Variants in YAP1 observed in about 807,000 individuals in gnomAD.
YAP1 encodes the protein transcriptional coactivator YAP1.
In YAP1, 5 loss-of-function variants were observed where a neutral mutation model predicts 56.9. That is an observed-to-expected ratio of 0.09 (90% CI 0.05 to 0.18). YAP1 has a LOEUF of 0.18. Among genes scored for constraint, YAP1 ranks in the 10% least tolerant of loss-of-function variants. The probability of loss-of-function intolerance (pLI) is 1.00; values close to 1 mark genes in which losing one functional copy is unlikely to be tolerated. For synonymous variants in YAP1, 265 were observed against 248.1 expected (o/e 1.07, Z -0.64); for missense variants, 539 against 651.8 (o/e 0.83, Z 1.88).
intron 7 of YAP1, 50 bp from the exon 8 acceptor site, chr11:102,227,419 T>A: frequency 1.5e-6 from 2 of 1,324,100 alleles, no homozygotes; most frequent in Non-Finnish European, 2.2e-6. Flanking sequence ...TTACCTTGAA[T>A]TGATTTTTAA....
At chr11:102,155,414 G>T (rs182138025) in intron 2 of YAP1, among the ~76,000 whole-genome samples, 68 of 152,246 alleles carry the variant, frequency 4.5e-4, no homozygotes, top group African/African-American at 1.6e-3. Flanking sequence ...CCCTCCCCAA[G>T]TTATTTTGCT....
At chr11:102,217,960 C>T (rs987329900) in intron 6 of YAP1, among the ~76,000 whole-genome samples, 57 of 152,142 alleles carry the variant, frequency 3.7e-4, no homozygotes, top group African/African-American at 1.4e-3. Context: ...CTCACCCTCC[C>T]AAAGTGCTGG....
chr11:102,112,698 A>G, intron 1 of YAP1: 3 of 985,344 alleles, frequency 3.0e-6, no homozygotes, highest in Non-Finnish European at 3.6e-6. Context: ...AGGAGGAAAG[A>G]AGGAAAAACA....
At chr11:102,123,499 A>G (rs947424242) in intron 2 of YAP1, among the ~76,000 whole-genome samples, 1 of 152,138 alleles carries the variant, frequency 6.6e-6, no homozygotes, top group Non-Finnish European at 1.5e-5. Context: ...AAAGGGGTAC[A>G]TGGGAGGTAG....
intron 2 of YAP1, among the ~76,000 whole-genome samples, chr11:102,146,762 G>A (rs905895595): frequency 6.6e-6 from 1 of 152,108 alleles, no homozygotes; most frequent in African/African-American, 2.4e-5. Context: ...CTTCCATTCT[G>A]GTGGAGAATT....
At chr11:102,118,619 C>T (rs912012510) in intron 2 of YAP1, among the ~76,000 whole-genome samples, 4 of 151,600 alleles carry the variant, frequency 2.6e-5, no homozygotes, top group Non-Finnish European at 2.9e-5. Context: ...GGTGTGTTGG[C>T]GCACACCTAT....
In YAP1 at chr11:102,223,694, G is replaced by A. The variant is rs1433803164; in HGVS notation, c.1105G>A (p.Gly369Arg). The change falls in exon 7 of 9, where the codon GGG (glycine) becomes AGG (arginine). Residue 369 changes from glycine to arginine, a missense_variant. Physicochemically the swap from Gly to Arg is moderately radical, Grantham distance 125. This residue lies in a region of YAP1 where 414 missense variants were observed against 512.4 expected (regional missense o/e 0.81). Transcript: ENST00000282441. ...GACTCAAAATCCAGTGTCTTCTCCC[G>A]GGATGTCTCAGGAATTGAGAACAAT... The part of the protein sequence containing the change: ...GGTQNPVSSP[G>R]MSQELRTMTT... The A allele has an allele frequency of 1.5e-5, 25 of 1,614,108 alleles. No homozygotes were observed. In the East Asian group the frequency reaches 4.5e-4, roughly 29 times the overall value.
At chr11:102,154,723 G>A (rs1393457773) in intron 2 of YAP1, among the ~76,000 whole-genome samples, 4 of 152,080 alleles carry the variant, frequency 2.6e-5, no homozygotes, top group Non-Finnish European at 4.4e-5. Flanking sequence ...ATTATCACCA[G>A]TAACCTTTAT....
At chr11:102,213,545 G>C (rs1044552283) in intron 6 of YAP1, among the ~76,000 whole-genome samples, 2 of 152,064 alleles carry the variant, frequency 1.3e-5, no homozygotes, top group Non-Finnish European at 1.5e-5. Context: ...CTATGAGATC[G>C]AGTTTAAACT....
chr11:102,113,285 G>A (rs562009606), intron 1 of YAP1, among the ~76,000 whole-genome samples: 11 of 152,120 alleles, frequency 7.2e-5, no homozygotes, highest in Non-Finnish European at 8.8e-5. Context: ...AACACAAACT[G>A]GTGACTGTAA....
intron 1 of YAP1, among the ~76,000 whole-genome samples, chr11:102,111,420 G>C (rs1942896538): frequency 6.6e-6 from 1 of 152,200 alleles, no homozygotes; most frequent in African/African-American, 2.4e-5. Context: ...TTGCAGCCCC[G>C]GGGGGCGTGC....
intron 2 of YAP1, among the ~76,000 whole-genome samples, chr11:102,137,433 T>C (rs574970062): frequency 5.9e-5 from 9 of 152,360 alleles, no homozygotes; most frequent in African/African-American, 2.2e-4. Context: ...TGTTTTAATA[T>C]CCTTGTTAAC....
At chr11:102,150,802 G>GTTTTTTTTTTTTTTT (rs370378973) in intron 2 of YAP1, among the ~76,000 whole-genome samples, 2 of 108,048 alleles carry the variant, frequency 1.9e-5, no homozygotes, top group Non-Finnish European at 3.7e-5. Context: ...CATACAAATG[G>GTTTTTTTTTTTTTTT]TTTTTTTTTT....
At position 102,188,980 on chromosome 11, in the gene YAP1, A is replaced by G. The variant is rs539139857; in HGVS notation, c.802+2849A>G. ...ATATTTTAATTTTAGAGAATTCATT[A>G]GTAATTTATAACAAATCATGAAGTG... On this transcript the variant is annotated intron_variant, in intron 4 of 8. Transcript: ENST00000282441. Among the ~76,000 whole-genome samples, 31 of 152,304 alleles carry G rather than the reference A, an allele frequency of 2.0e-4. No homozygotes were observed. In the East Asian group the frequency reaches 4.6e-3, roughly 23 times the overall value.
intron 4 of YAP1, 40 bp downstream of exon 4, chr11:102,186,171 T>C (rs1397363614): frequency 5.6e-6 from 9 of 1,596,016 alleles, no homozygotes; most frequent in Non-Finnish European, 7.7e-6. Flanking sequence ...TGCTTTTGGT[T>C]GCTAATTTTT....
At chr11:102,128,779 T>G (rs1030186963) in intron 2 of YAP1, among the ~76,000 whole-genome samples, 1 of 152,222 alleles carries the variant, frequency 6.6e-6, no homozygotes, top group African/African-American at 2.4e-5. Context: ...ATAATTTCTA[T>G]TCTTATGTAT....
intron 6 of YAP1, among the ~76,000 whole-genome samples, chr11:102,210,998 G>A (rs566323741): frequency 2.6e-5 from 4 of 152,072 alleles, no homozygotes; most frequent in Non-Finnish European, 4.4e-5. Flanking sequence ...CTCGTGATCC[G>A]CCCACCTCAG....
rs1950474741 is a variant in YAP1 at position 102,232,783 on chromosome 11, T to TTAGA, written c.*2845_*2848dup. 6.5e-6 allele frequency: 1 copy of TTAGA among 152,674 alleles called. No individual in the cohort carries two copies. The highest frequency in any genetic ancestry group is 1.5e-5 in the Non-Finnish European group (1 of 68,048). 9.5% of individuals were successfully genotyped at this position (152,674 alleles called of 1,614,324 possible). A position where few individuals can be genotyped will look rare whatever the true frequency, so the allele number is the denominator to read the frequency against. On this transcript the variant is annotated 3_prime_UTR_variant, in exon 9 of 9. Coordinates refer to ENST00000282441, the MANE Select transcript of YAP1 (RefSeq NM_001130145.3). ...TTGTGTTATTTTCAGTCAGGGCTTC[T>TTAGA]TAGATCTACTTATGGTTGATGGAGC... is the stretch of plus-strand genomic sequence containing the variant.
intron 3 of YAP1, among the ~76,000 whole-genome samples, chr11:102,170,648 G>A (rs1946848700): frequency 6.6e-6 from 1 of 152,106 alleles, no homozygotes; most frequent in Non-Finnish European, 1.5e-5. Context: ...GGATAGTAAA[G>A]TTCATTTACA....
Sources: gnomAD v4.1 joint callset for allele counts (sites outside exome capture counted in the v4.1 genomes callset) on GRCh38, gnomAD v4.1.1 for gene constraint, gnomAD v4.1.1 regional missense constraint, MANE v1.5 for transcripts, NCBI Gene and HGNC (gene_info 2026-07-23, HGNC 2026-07-21) for gene names.